SAMD5: variants seen among roughly 807,000 people sequenced by gnomAD.
SAMD5 encodes the protein sterile alpha motif domain-containing protein 5.
Under a neutral mutation model 11.3 loss-of-function variants are expected in SAMD5, and 13 were observed. That is an observed-to-expected ratio of 1.15 (90% CI 0.75 to 1.83). SAMD5 has a LOEUF of 1.83. Among genes scored for constraint, SAMD5 ranks in the 40% most tolerant of loss-of-function variants. SAMD5 has a pLI of 0.00. For missense variants in SAMD5, 255 were observed against 239.1 expected, an observed-to-expected ratio of 1.07 and a Z score of -0.44; for synonymous variants, 129 against 111.3, an observed-to-expected ratio of 1.16 and a Z score of -1.00.
At chr6:147,909,875 G>A in the SAMD5 span, among the ~76,000 whole-genome samples, 11 of 152,072 alleles carry the variant, frequency 7.2e-5, no homozygotes, top group Admixed American at 1.3e-4. Context: ...TCAGTCTACG[G>A]TGACAAGGCC....
At chr6:147,691,912 A>G (rs17259684) in intron 1 of SAMD5, among the ~76,000 whole-genome samples, 17,350 of 152,130 alleles carry the variant, frequency 0.11, 1,089 homozygotes, top group Middle Eastern at 0.16. Flanking sequence ...AGGGAATTCA[A>G]AACACTTGCA....
At chr6:147,891,287 T>C in the SAMD5 span, among the ~76,000 whole-genome samples, 1 of 152,048 alleles carries the variant, frequency 6.6e-6, no homozygotes, top group Non-Finnish European at 1.5e-5. Context: ...ATTTGTGTCA[T>C]TATAAAATTA....
chr6:147,575,065 T>A (rs7751581), intron 1 of SAMD5, among the ~76,000 whole-genome samples: 47,189 of 152,164 alleles, frequency 0.31, 7,350 homozygotes, highest in East Asian at 0.35. Flanking sequence ...TATCTTAGGC[T>A]TATTTCTACA....
At chr6:147,636,936 G>A (rs844623) in intron 1 of SAMD5, among the ~76,000 whole-genome samples, 2,521 of 151,724 alleles carry the variant, frequency 0.017, 31 homozygotes, top group Non-Finnish European at 0.02. Flanking sequence ...TAAAGACATC[G>A]TATTGGGTGA....
the SAMD5 span, among the ~76,000 whole-genome samples, chr6:147,936,257 A>T: frequency 6.6e-6 from 1 of 152,166 alleles, no homozygotes. Flanking sequence ...ATTGCCATAA[A>T]TAAATACCTG....
At position 147,567,791 on chromosome 6, in the gene SAMD5, C is replaced by A. The variant is rs702351; in HGVS notation, c.*3335C>A. ...TGAATAAGTCCCCTTTGATTTCTCT[C>A]AGGAAGGATAAAAAAGGCTACAGTA... On this transcript the variant is annotated 3_prime_UTR_variant, in exon 2 of 2. Transcript: ENST00000367474. The A allele has an allele frequency of 2.0e-6, 2 of 985,046 alleles. No homozygotes were observed. Among genetic ancestry groups the A allele is most frequent in the African/African-American group, 3.5e-5 (2 of 57,160 alleles). 61.0% of individuals were successfully genotyped at this position (985,046 alleles called of 1,614,324 possible).
the SAMD5 span, among the ~76,000 whole-genome samples, chr6:147,943,538 C>T: frequency 6.6e-6 from 1 of 151,952 alleles, no homozygotes; most frequent in Non-Finnish European, 1.5e-5. Context: ...CTCCTCCTAG[C>T]GAACCTCCTC....
At chr6:147,634,195 A>G (rs574489611) in intron 1 of SAMD5, among the ~76,000 whole-genome samples, 3 of 152,346 alleles carry the variant, frequency 2.0e-5, no homozygotes, top group East Asian at 3.9e-4. Flanking sequence ...CGTATAAAGA[A>G]AAGAGGTTTA....
At chr6:147,625,906 G>A (rs4896931) in intron 1 of SAMD5, among the ~76,000 whole-genome samples, 65,578 of 151,850 alleles carry the variant, frequency 0.43, 14,623 homozygotes, top group Middle Eastern at 0.51. Flanking sequence ...GCCACAGGGT[G>A]CCTAGCTGCA....
At chr6:147,548,302 C>T (rs1375882607) in intron 1 of SAMD5, among the ~76,000 whole-genome samples, 1 of 152,132 alleles carries the variant, frequency 6.6e-6, no homozygotes, top group Non-Finnish European at 1.5e-5. Context: ...TACATGTTGC[C>T]TCCTCAGAGA....
At chr6:147,698,732 T>C (rs1219598789) in intron 1 of SAMD5, among the ~76,000 whole-genome samples, 2 of 152,164 alleles carry the variant, frequency 1.3e-5, no homozygotes, top group African/African-American at 4.8e-5. Flanking sequence ...GTTTATATTC[T>C]ACTGGAAACA....
At chr6:147,662,426 GA>G (rs1350076227) in intron 1 of SAMD5, among the ~76,000 whole-genome samples, 1 of 152,164 alleles carries the variant, frequency 6.6e-6, no homozygotes, top group African/African-American at 2.4e-5. Context: ...AATGAATGAG[GA>G]AGCCAAATCT....
At chr6:147,587,843 T>C (rs1789397846) in intron 1 of SAMD5, among the ~76,000 whole-genome samples, 1 of 152,136 alleles carries the variant, frequency 6.6e-6, no homozygotes, top group Non-Finnish European at 1.5e-5. Flanking sequence ...TCCTAGAACT[T>C]AACCTCCTTT....
intron 1 of SAMD5, among the ~76,000 whole-genome samples, chr6:147,705,184 T>G (rs1255458262): frequency 6.6e-6 from 1 of 152,242 alleles, no homozygotes; most frequent in Non-Finnish European, 1.5e-5. Context: ...CTTCTCATTT[T>G]TCTTCTCCTG....
chr6:147,912,628 T>G, the SAMD5 span, among the ~76,000 whole-genome samples: 2 of 152,190 alleles, frequency 1.3e-5, no homozygotes, highest in Non-Finnish European at 2.9e-5. Context: ...AGGTTATTCA[T>G]TACATCAGTA....
chr6:147,738,367 C>G (rs893318920), downstream of SAMD5, among the ~76,000 whole-genome samples: 1 of 152,106 alleles, frequency 6.6e-6, no homozygotes, highest in Non-Finnish European at 1.5e-5. Flanking sequence ...TTACCTGTTT[C>G]GTTTCAAAAT....
At chr6:147,712,579 T>G (rs1364351291) in intron 1 of SAMD5, among the ~76,000 whole-genome samples, 1 of 152,128 alleles carries the variant, frequency 6.6e-6, no homozygotes, top group African/African-American at 2.4e-5. Flanking sequence ...GGTGGGGCCT[T>G]TGGGAGACAA....
the SAMD5 span, among the ~76,000 whole-genome samples, chr6:147,858,611 T>C: frequency 1.3e-5 from 2 of 152,224 alleles, no homozygotes; most frequent in African/African-American, 2.4e-5. Context: ...CAGTTGATGA[T>C]AGATGCTTGA....
At chr6:147,948,784 G>A in the SAMD5 span, among the ~76,000 whole-genome samples, 17 of 152,036 alleles carry the variant, frequency 1.1e-4, no homozygotes, top group African/African-American at 3.9e-4. Context: ...AGCTTAAAAT[G>A]TTTTACTTGT....
Sources: allele counts gnomAD v4.1 joint callset (sites outside exome capture counted in the v4.1 genomes callset), GRCh38; gene constraint gnomAD v4.1.1; transcripts MANE v1.5; gene names NCBI Gene and HGNC (gene_info 2026-07-23, HGNC 2026-07-21).